The following GIMAP8 variants were observed in gnomAD, a reference collection of about 807,000 sequenced individuals.
GIMAP8 encodes the protein GTPase IMAP family member 8.
Under a neutral mutation model 35.6 loss-of-function variants are expected in GIMAP8, and 29 were observed. The observed-to-expected ratio is 0.81, with a 90% CI of 0.61 to 1.11. The LOEUF (loss-of-function observed/expected upper bound fraction) is 1.11. GIMAP8 is among the 50% of genes most tolerant of loss of function. The probability of loss-of-function intolerance (pLI) is 0.00; values close to 1 mark genes in which losing one functional copy is unlikely to be tolerated. For missense variants in GIMAP8, 811 were observed against 805.0 expected, an observed-to-expected ratio of 1.01 and a Z score of -0.09; for synonymous variants, 335 against 308.7, an observed-to-expected ratio of 1.09 and a Z score of -0.89.
intron 2 of GIMAP8, among the ~76,000 whole-genome samples, chr7:150,468,180 G>T (rs184583475): frequency 6.6e-6 from 1 of 152,026 alleles, no homozygotes; most frequent in South Asian, 2.1e-4. Context: ...AGCCTACATC[G>T]TTTCTTGCCT....
In GIMAP8 at chr7:150,477,425, T is replaced by C. The variant is rs1372818738; in HGVS notation, c.1643T>C (p.Leu548Pro). The C allele has an allele frequency of 1.9e-6, 3 of 1,613,862 alleles. No individual in the cohort carries two copies. The highest frequency in any genetic ancestry group is 1.1e-5 in the South Asian group (1 of 91,084). ...GAGGACAAAACAGCTGTGGCGAAAC[T>C]GGAGGCCATCTTTGGAGCAGACTTT... is the stretch of plus-strand genomic sequence containing the variant. The part of the protein sequence containing the change: ...TEEDKTAVAK[L>P]EAIFGADFTK... Residue 548 changes from leucine (L) to proline (P), a missense_variant, in exon 5 of 5, where the codon CTG becomes CCG. By Grantham distance (98) the Leu-to-Pro change is moderately conservative (BLOSUM62 -3). Transcript: ENST00000307271.
intron 3 of GIMAP8, among the ~76,000 whole-genome samples, chr7:150,471,362 G>C (rs1375414979): frequency 6.6e-6 from 1 of 152,190 alleles, no homozygotes; most frequent in Non-Finnish European, 1.5e-5. Flanking sequence ...GATGCAGTTT[G>C]TTTCACAATG....
At chr7:150,474,722 T>G in intron 4 of GIMAP8, 84 bp downstream of exon 4, 1 of 909,780 alleles carries the variant, frequency 1.1e-6, no homozygotes, top group South Asian at 3.0e-5. Context: ...TATTTTCTTT[T>G]TTTTCTTTTT....
chr7:150,467,872 C>G (rs1205419812), intron 2 of GIMAP8, among the ~76,000 whole-genome samples: 1 of 152,170 alleles, frequency 6.6e-6, no homozygotes, highest in Non-Finnish European at 1.5e-5. Context: ...CAAATCTGTC[C>G]TCTGAGTTCT....
chr7:150,453,109 A>G (rs933555689), intron 1 of GIMAP8, among the ~76,000 whole-genome samples: 1 of 152,048 alleles, frequency 6.6e-6, no homozygotes, highest in Admixed American at 6.5e-5. Flanking sequence ...GACATTTAAA[A>G]ATAAAATTAA....
chr7:150,456,457 C>T (rs758858785), intron 1 of GIMAP8, among the ~76,000 whole-genome samples: 1 of 152,190 alleles, frequency 6.6e-6, no homozygotes, highest in Non-Finnish European at 1.5e-5. Flanking sequence ...CCCTCTGTCT[C>T]TGTGACCTCT....
Position 150,472,356 on chromosome 7 carries a change from G to A in GIMAP8, c.682+1482G>A, listed in dbSNP as rs1187537082. ...GTGACAAGGGTGGAACGAGGCTAAA[G>A]CCATCAGGAGGCAGCTGTCATCTAT... On this transcript the variant is annotated intron_variant, in intron 3 of 4. Coordinates refer to ENST00000307271, the MANE Select transcript of GIMAP8 (RefSeq NM_175571.4). This position sits in a 1 kb window ranked among gnomAD's most constrained non-coding sequence, Gnocchi z 4.1. 6.6e-6 allele frequency among the ~76,000 whole-genome samples: 1 copy of A among 152,224 alleles called. No individual in the cohort carries two copies.
At chr7:150,457,998 C>T (rs926692323) in intron 1 of GIMAP8, among the ~76,000 whole-genome samples, 1 of 152,364 alleles carries the variant, frequency 6.6e-6, no homozygotes, top group East Asian at 1.9e-4. Flanking sequence ...CTGCAACACT[C>T]TTTCCTCAGA....
At chr7:150,471,090 T>C (rs542681668) in intron 3 of GIMAP8, among the ~76,000 whole-genome samples, 13 of 152,342 alleles carry the variant, frequency 8.5e-5, no homozygotes, top group Admixed American at 7.8e-4. Context: ...GAGGGTGTCC[T>C]TGGACTTTTC....
intron 2 of GIMAP8, among the ~76,000 whole-genome samples, chr7:150,469,848 T>C (rs528718708): frequency 6.6e-6 from 1 of 152,250 alleles, no homozygotes. Flanking sequence ...GTCCGTACTA[T>C]GGAATAAATT....
Position 150,450,744 on chromosome 7 carries a change from G to A in GIMAP8, c.-460G>A, listed in dbSNP as rs1801583614. The A allele has an allele frequency of 1.3e-5, 2 of 152,684 alleles. No individual in the cohort carries two copies. The highest frequency in any genetic ancestry group is 4.1e-4 in the South Asian group (2 of 4,846). The allele number at this position is 152,684 out of a possible 1,614,324, so 9.5% of individuals were successfully genotyped here. A position where few individuals can be genotyped will look rare whatever the true frequency, so the allele number is the denominator to read the frequency against. On this transcript the variant is annotated 5_prime_UTR_variant, in exon 1 of 5. Coordinates refer to ENST00000307271, the MANE Select transcript of GIMAP8 (RefSeq NM_175571.4). The surrounding 1 kb of genome is among the most constrained non-coding windows in gnomAD (Gnocchi z 4.4). ...CCCCTGTTCTTGCAGCCCTTCTGAA[G>A]CTCAGCCTGGCACCGGCCCCGGCGC...
intron 1 of GIMAP8, among the ~76,000 whole-genome samples, chr7:150,460,994 T>C (rs1215373871): frequency 6.6e-6 from 1 of 152,230 alleles, no homozygotes; most frequent in Non-Finnish European, 1.5e-5. Flanking sequence ...ATAGCAAGGC[T>C]TTGCTCCAAA....
At position 150,474,031 on chromosome 7, in the gene GIMAP8, G is replaced by T; in HGVS notation, c.702G>T (p.Leu234=). 6.2e-7 allele frequency: 1 copy of T among 1,613,300 alleles called. No homozygotes were observed. Residue 234 remains leucine (L), a synonymous_variant, in exon 4 of 5, where the codon CTG becomes CTT. Transcript: ENST00000307271. ...DKPQGPRERQ[L]QSTGPEQNPG... Reference sequence around the variant, plus strand: ...CCACAGGCCCAAGGGAAAGGCAGCTGCAGTCCACAGGACCCGAGCAGAATC... The same window carrying T: ...CCACAGGCCCAAGGGAAAGGCAGCTTCAGTCCACAGGACCCGAGCAGAATC...
In GIMAP8 at chr7:150,474,543, GAGA is replaced by G. The variant is rs780213618; in HGVS notation, c.1221_1223del (p.Glu408del). The G allele has an allele frequency of 2.5e-6, 4 of 1,577,778 alleles. No homozygotes were observed. The African/African-American group carries it at 4.0e-5, about 16-fold the overall frequency. ...AGTGCCTTCAACTACCGGGCAACAG[GAGA>G]AGAAGAGCAAAGGCAGGCGGACGAG... On this transcript the variant is annotated inframe_deletion, in exon 4 of 5. Transcript: ENST00000307271.
intron 2 of GIMAP8, among the ~76,000 whole-genome samples, chr7:150,470,486 G>T (rs992839829): frequency 1.3e-5 from 2 of 152,144 alleles, no homozygotes; most frequent in Admixed American, 1.3e-4. Flanking sequence ...CAGACTTGGG[G>T]GGGTGGGGAA....
rs1351777062 is a variant in GIMAP8 at position 150,479,347 on chromosome 7, ATATATT to A, written c.*1570_*1575del. 1 of 152,228 alleles carries A rather than the reference ATATATT, an allele frequency of 6.6e-6. No homozygotes were observed. The highest frequency in any genetic ancestry group is 2.4e-5 in the African/African-American group (1 of 41,444). The allele number at this position is 152,228 out of a possible 1,614,324, so 9.4% of individuals were successfully genotyped here. On this transcript the variant is annotated 3_prime_UTR_variant, in exon 5 of 5. Transcript: ENST00000307271. ...TTGGAAAGTAAAAAAAAGTGTGTAA[ATATATT>A]TAGTTGAATCAAATAATAAAGATGA...
Position 150,478,195 on chromosome 7 carries a change from G to A in GIMAP8, c.*415G>A, listed in dbSNP as rs575075960. The A allele has an allele frequency of 8.2e-5, 15 of 183,964 alleles. 1 individual carries two copies. The South Asian group carries it at 1.0e-3, about 12-fold the overall frequency. The allele number at this position is 183,964 out of a possible 1,614,324, so 11.4% of individuals were successfully genotyped here. A position where few individuals can be genotyped will look rare whatever the true frequency, so the allele number is the denominator to read the frequency against. On this transcript the variant is annotated 3_prime_UTR_variant, in exon 5 of 5. Coordinates refer to ENST00000307271, the MANE Select transcript of GIMAP8 (RefSeq NM_175571.4). ...TCCAGATACATGAGACCAGGGCAGCGTTCAGCACACTCCTGGGCATGGCGG... is the reference window on the plus strand; with the variant it reads ...TCCAGATACATGAGACCAGGGCAGCATTCAGCACACTCCTGGGCATGGCGG...
In GIMAP8 at chr7:150,477,861, G is replaced by A. The variant is rs1478425988; in HGVS notation, c.*81G>A. ...GGGCGGGGCATGGTACAACCTGTGG[G>A]AAGGGAAGCGGGTTCATGGCTTTGA... On this transcript the variant is annotated 3_prime_UTR_variant, in exon 5 of 5. Coordinates refer to ENST00000307271, the MANE Select transcript of GIMAP8 (RefSeq NM_175571.4). The A allele has an allele frequency of 1.8e-6, 2 of 1,133,298 alleles. No individual in the cohort carries two copies. The highest frequency in any genetic ancestry group is 2.5e-6 in the Non-Finnish European group (2 of 793,608). 70.2% of individuals were successfully genotyped at this position (1,133,298 alleles called of 1,614,324 possible).
chr7:150,463,644 G>C (rs548412259), intron 1 of GIMAP8, among the ~76,000 whole-genome samples: 1 of 152,326 alleles, frequency 6.6e-6, no homozygotes, highest in South Asian at 2.1e-4. Context: ...CAGTGGTTTA[G>C]CCTGTGGTTG....
Sources: gnomAD v4.1 joint callset for allele counts (sites outside exome capture counted in the v4.1 genomes callset) on GRCh38, gnomAD v4.1.1 for gene constraint, Gnocchi (gnomAD v3.1) non-coding constraint, MANE v1.5 for transcripts, NCBI Gene and HGNC (gene_info 2026-07-23, HGNC 2026-07-21) for gene names.